JMY: variants seen among roughly 807,000 people sequenced by gnomAD.
JMY encodes junction mediating and regulatory protein, p53 cofactor, also known as junction-mediating and -regulatory protein.
Under a neutral mutation model 103.3 loss-of-function variants are expected in JMY, and 46 were observed. That is an observed-to-expected ratio of 0.45 (90% confidence interval 0.35 to 0.57). The LOEUF (loss-of-function observed/expected upper bound fraction) is 0.57, where lower values mean the gene tolerates loss of function less well. Among genes scored for constraint, JMY ranks in the 20% least tolerant of loss-of-function variants. The probability of loss-of-function intolerance (pLI) is 0.00; values close to 1 mark genes in which losing one functional copy is unlikely to be tolerated. For synonymous variants in JMY, 526 were observed against 489.3 expected (o/e 1.07, Z -0.99); for missense variants, 1,238 against 1,255.2 (o/e 0.99, Z 0.21).
Position 79,316,103 on chromosome 5 carries a change from T to G in JMY, c.2763T>G (p.Asp921Glu). 1 of 1,614,078 alleles carries G rather than the reference T, an allele frequency of 6.2e-7. No individual in the cohort carries two copies. The highest frequency in any genetic ancestry group is 1.3e-5 in the African/African-American group (1 of 75,046). ...RTLPPFPDEDDSNNILAQIRK... is the reference protein window; with the variant it reads ...RTLPPFPDEDESNNILAQIRK... Reference sequence around the variant, plus strand: ...TGCCTCCTTTTCCTGATGAAGATGATAGTAATAATATCTTGGCACAAATAA... The same window carrying G: ...TGCCTCCTTTTCCTGATGAAGATGAGAGTAATAATATCTTGGCACAAATAA... Residue 921 changes from aspartate (D) to glutamate (E), a missense_variant, in exon 10 of 11, where the codon GAT becomes GAG. Transcript: ENST00000396137.
chr5:79,311,445 A>G (rs931543216), intron 7 of JMY, among the ~76,000 whole-genome samples: 27 of 152,212 alleles, frequency 1.8e-4, no homozygotes, highest in African/African-American at 6.3e-4. Flanking sequence ...GAGAGAAATG[A>G]TAGAAGAATA....
rs188912419 is a variant in JMY, at chr5:79,284,294, G to A, written c.1207-5827G>A. 20 of 1,460,142 alleles carry A rather than the reference G, an allele frequency of 1.4e-5. No individual in the cohort carries two copies. The East Asian group carries it at 1.8e-4, about 13-fold the overall frequency. 90.4% of individuals were successfully genotyped at this position (1,460,142 alleles called of 1,614,324 possible). A position where few individuals can be genotyped will look rare whatever the true frequency, so the allele number is the denominator to read the frequency against. ...TCTTCAGCATTTTTACTTTTCTAAC[G>A]AAGACATCATGGAGAGGATAGATTG... On this transcript the variant is annotated intron_variant, in intron 2 of 10. Coordinates refer to ENST00000396137, the MANE Select transcript of JMY (RefSeq NM_152405.5).
At chr5:79,269,254 T>G (rs1745672846) in intron 1 of JMY, among the ~76,000 whole-genome samples, 1 of 152,184 alleles carries the variant, frequency 6.6e-6, no homozygotes, top group African/African-American at 2.4e-5. Flanking sequence ...ATCATTTAAC[T>G]GTATTTGTGT....
chr5:79,307,700 A>C (rs34159096), intron 7 of JMY, among the ~76,000 whole-genome samples: 17,653 of 152,206 alleles, frequency 0.12, 2,731 homozygotes, highest in African/African-American at 0.36. Context: ...CCAAATGCCT[A>C]CTTGCCCCTC....
At chr5:79,279,843 G>A (rs1157653269) in intron 2 of JMY, among the ~76,000 whole-genome samples, 1 of 151,778 alleles carries the variant, frequency 6.6e-6, no homozygotes, top group African/African-American at 2.4e-5. Context: ...GGTTTTTTTT[G>A]TTTTGTTTTG....
chr5:79,297,899 C>T (rs992192207), intron 4 of JMY, among the ~76,000 whole-genome samples: 12 of 152,210 alleles, frequency 7.9e-5, no homozygotes, highest in African/African-American at 2.7e-4. Context: ...TACCTACTTC[C>T]TTTCTCAGTT....
rs888492565 is a variant in JMY, at chr5:79,270,632, T to C, written c.1033-7278T>C. Among the ~76,000 whole-genome samples the C allele has an allele frequency of 9.2e-5, 13 of 140,890 alleles. No individual in the cohort carries two copies. In the South Asian group the frequency reaches 1.3e-3, roughly 14 times the overall value. 92.4% of individuals were successfully genotyped at this position (140,890 alleles called of 152,430 possible). A position where few individuals can be genotyped will look rare whatever the true frequency, so the allele number is the denominator to read the frequency against. Reference sequence around the variant, plus strand: ...CATAAATGTTTATATAAAATATATTTACATAAATATTTATATAAAATATAT... The same window carrying C: ...CATAAATGTTTATATAAAATATATTCACATAAATATTTATATAAAATATAT... On this transcript the variant is annotated intron_variant, in intron 1 of 10. Transcript: ENST00000396137.
rs998890192 is a variant in JMY at position 79,324,967 on chromosome 5, A to G, written c.*3365A>G. ...ATATTTGGTAACATATGGCATGGCC[A>G]CTTTATATCACAGAATGTGTGTCAA... On this transcript the variant is annotated 3_prime_UTR_variant, in exon 11 of 11. Coordinates refer to ENST00000396137, the MANE Select transcript of JMY (RefSeq NM_152405.5). 3 of 152,728 alleles carry G rather than the reference A, an allele frequency of 2.0e-5. No individual in the cohort carries two copies. Among genetic ancestry groups the G allele is most frequent in the Non-Finnish European group, 4.4e-5 (3 of 68,056 alleles). The allele number at this position is 152,728 out of a possible 1,614,324, so 9.5% of individuals were successfully genotyped here.
intron 1 of JMY, among the ~76,000 whole-genome samples, chr5:79,277,531 G>C (rs1433891760): frequency 1.3e-5 from 2 of 151,936 alleles, no homozygotes; most frequent in African/African-American, 4.8e-5. Context: ...CCAGCTACTT[G>C]GGAGGCTAAT....
intron 1 of JMY, among the ~76,000 whole-genome samples, chr5:79,276,909 A>G (rs1745954857): frequency 6.6e-6 from 1 of 151,998 alleles, no homozygotes; most frequent in African/African-American, 2.4e-5. Flanking sequence ...CTGGCCGATT[A>G]TTGTTTTTAT....
At chr5:79,314,159 A>G in intron 8 of JMY, 98 bp from the exon 9 acceptor site, 1 of 1,507,320 alleles carries the variant, frequency 6.6e-7, no homozygotes, top group Non-Finnish European at 8.8e-7. Flanking sequence ...ACACCCGGCC[A>G]CATAACATCT....
intron 1 of JMY, among the ~76,000 whole-genome samples, chr5:79,271,911 C>A (rs1231083299): frequency 6.6e-6 from 1 of 152,002 alleles, no homozygotes; most frequent in Non-Finnish European, 1.5e-5. Context: ...GAGTTCAAGA[C>A]CATCCAGGGG....
intron 1 of JMY, among the ~76,000 whole-genome samples, chr5:79,275,660 TTTG>T (rs767194478): frequency 4.3e-4 from 65 of 152,334 alleles, no homozygotes; most frequent in Admixed American, 8.5e-4. Context: ...TGCCCCACGG[TTTG>T]TTGTTGTTAT....
intron 1 of JMY, among the ~76,000 whole-genome samples, chr5:79,249,375 G>A (rs1745007058): frequency 6.6e-6 from 1 of 152,190 alleles, no homozygotes; most frequent in Non-Finnish European, 1.5e-5. Context: ...TCATGGGAAT[G>A]AATAACATTA....
chr5:79,302,649 G>A (rs991685587), intron 6 of JMY, among the ~76,000 whole-genome samples: 11 of 152,204 alleles, frequency 7.2e-5, no homozygotes, highest in Non-Finnish European at 2.9e-5. Context: ...GCTGCAGGGC[G>A]GGGACCAAGT....
chr5:79,307,709 T>C (rs532719632), intron 7 of JMY, among the ~76,000 whole-genome samples: 11 of 152,278 alleles, frequency 7.2e-5, no homozygotes, highest in Admixed American at 7.2e-4. Context: ...TACTTGCCCC[T>C]CTATATATCT....
Position 79,237,691 on chromosome 5 carries a change from G to C in JMY, c.1032+9G>C. Reference sequence around the variant, plus strand: ...GGAAGCGCATCCAGGAGGTGAGTGAGTGAGCTCCTAGTCTGGGCTCTACTG... The same window carrying C: ...GGAAGCGCATCCAGGAGGTGAGTGACTGAGCTCCTAGTCTGGGCTCTACTG... On this transcript the variant is annotated intron_variant, in intron 1 of 10. Coordinates refer to ENST00000396137, the MANE Select transcript of JMY (RefSeq NM_152405.5). The C allele has an allele frequency of 6.2e-7, 1 of 1,607,378 alleles. No homozygotes were observed. The highest frequency in any genetic ancestry group is 8.5e-7 in the Non-Finnish European group (1 of 1,175,986).
chr5:79,277,903 T>C lies in JMY; in HGVS notation c.1033-7T>C, dbSNP rs755879139. The C allele has an allele frequency of 6.2e-7, 1 of 1,604,932 alleles. No individual in the cohort carries two copies. Among genetic ancestry groups the C allele is most frequent in the Non-Finnish European group, 8.5e-7 (1 of 1,173,790 alleles). On this transcript the variant is annotated splice_region_variant and splice_polypyrimidine_tract_variant and intron_variant, in intron 1 of 10. Transcript: ENST00000396137. The stretch of plus-strand genomic sequence containing the variant: ...TTTCTTAGTTGTGAAACTGTCTTGT[T>C]CCACAGCTCTTGGATAAGCACAAGA...
At chr5:79,268,141 G>T (rs530606453) in intron 1 of JMY, among the ~76,000 whole-genome samples, 1 of 152,288 alleles carries the variant, frequency 6.6e-6, no homozygotes, top group East Asian at 1.9e-4. Context: ...TCCTCAGGAG[G>T]CTACGGTGGG....
Sources: allele counts gnomAD v4.1 joint callset (sites outside exome capture counted in the v4.1 genomes callset), GRCh38; gene constraint gnomAD v4.1.1; transcripts MANE v1.5; gene names NCBI Gene and HGNC (gene_info 2026-07-23, HGNC 2026-07-21).